The following SLX9 variants were observed in gnomAD, a reference collection of about 807,000 sequenced individuals.
The protein encoded by SLX9 is ribosome biogenesis protein SLX9 homolog.
In SLX9, 19 loss-of-function variants were observed where a neutral mutation model predicts 20.8. The ratio of observed to expected loss-of-function variants is 0.91; its 90% CI spans 0.64 to 1.34. SLX9 has a LOEUF of 1.34. SLX9 is among the 40% of genes most tolerant of loss of function. The pLI is 0.00. For missense variants in SLX9, 299 were observed against 322.2 expected, an observed-to-expected ratio of 0.93 and a Z score of 0.55; for synonymous variants, 113 against 137.1, an observed-to-expected ratio of 0.82 and a Z score of 1.23.
At chr21:44,973,824 T>C (rs2085209613) in intron 5 of SLX9, among the ~76,000 whole-genome samples, 1 of 152,158 alleles carries the variant, frequency 6.6e-6, no homozygotes, top group Non-Finnish European at 1.5e-5. Context: ...GCCTGTCTGC[T>C]CCAGGGGGGC....
chr21:44,965,055 G>A (rs368821382), intron 3 of SLX9, among the ~76,000 whole-genome samples: 2 of 152,250 alleles, frequency 1.3e-5, no homozygotes, highest in East Asian at 1.9e-4. Context: ...TTTAATATCC[G>A]ATAGCCCTAC....
chr21:44,960,113 G>C lies in SLX9; in HGVS notation c.297G>C (p.Lys99Asn). Residue 99 changes from lysine (K) to asparagine (N), a missense_variant, in exon 3 of 6, where the codon AAG becomes AAC. Physicochemically the swap from Lys to Asn is moderately conservative, Grantham distance 94 (BLOSUM62 0). Coordinates refer to ENST00000291634, the MANE Select transcript of SLX9 (RefSeq NM_058190.4). ...VPSIRRGAEA[K>N]TVLPKKEKMK... Reference sequence around the variant, plus strand: ...CTCTTTCCTCAGGTGCAGAGGCCAAGACCGTTTTGCCCAAGAAGGAGAAAA... The same window carrying C: ...CTCTTTCCTCAGGTGCAGAGGCCAACACCGTTTTGCCCAAGAAGGAGAAAA... The C allele has an allele frequency of 6.2e-7, 1 of 1,614,218 alleles. No individual in the cohort carries two copies. Among genetic ancestry groups the C allele is most frequent in the East Asian group, 2.2e-5 (1 of 44,882 alleles).
At chr21:44,950,481 G>C (rs1601384681) in intron 2 of SLX9, among the ~76,000 whole-genome samples, 1 of 152,226 alleles carries the variant, frequency 6.6e-6, no homozygotes, top group South Asian at 2.1e-4. Flanking sequence ...GCTGGGAGTG[G>C]TGCGCCTTCT....
At chr21:44,970,630 C>G (rs1383306023) in intron 4 of SLX9, among the ~76,000 whole-genome samples, 1 of 152,220 alleles carries the variant, frequency 6.6e-6, no homozygotes, top group Non-Finnish European at 1.5e-5. Context: ...TCCCGGCAGG[C>G]AGGTCTGCCC....
At position 44,940,203 on chromosome 21, in the gene SLX9, C is replaced by A; in HGVS notation, c.129+17C>A. On this transcript the variant is annotated intron_variant, in intron 1 of 5. Transcript: ENST00000291634. ...GCGGGGAAGGTGAGCTGGGGAGGCG[C>A]TGGCCGGGGGCTGCCGCGTGGGTCC... is the stretch of plus-strand genomic sequence containing the variant. 1 of 1,232,380 alleles carries A rather than the reference C, an allele frequency of 8.1e-7. No homozygotes were observed. Among genetic ancestry groups the A allele is most frequent in the Non-Finnish European group, 1.0e-6 (1 of 984,324 alleles). The allele number at this position is 1,232,380 out of a possible 1,614,324, so 76.3% of individuals were successfully genotyped here. A position where few individuals can be genotyped will look rare whatever the true frequency, so the allele number is the denominator to read the frequency against.
intron 2 of SLX9, among the ~76,000 whole-genome samples, chr21:44,959,507 G>A (rs550328382): frequency 4.6e-5 from 7 of 152,224 alleles, no homozygotes; most frequent in African/African-American, 4.8e-5. Context: ...CCCGCCCACC[G>A]GGCAGGTGGC....
rs1457809750 is a variant in SLX9 at position 44,965,359 on chromosome 21, G to GCTCCCTCC, written c.353-1669_353-1662dup. On this transcript the variant is annotated intron_variant, in intron 3 of 5. Coordinates refer to ENST00000291634, the MANE Select transcript of SLX9 (RefSeq NM_058190.4). ...GTGGGTCCCGCCCCGCCACTGCCTC[G>GCTCCCTCC]CTCCCTCCCTCCCCCTCAGAATTGA... is the stretch of plus-strand genomic sequence containing the variant. Among the ~76,000 whole-genome samples the GCTCCCTCC allele has an allele frequency of 9.9e-5, 15 of 152,176 alleles. No individual in the cohort carries two copies. The East Asian group carries it at 2.9e-3, about 29-fold the overall frequency.
intron 2 of SLX9, among the ~76,000 whole-genome samples, chr21:44,952,238 G>A (rs138411846): frequency 3.6e-4 from 55 of 152,368 alleles, no homozygotes; most frequent in Non-Finnish European, 6.2e-4. Context: ...CCGGCTTGCC[G>A]AGGTCCCTGG....
chr21:44,972,566 C>A (rs2085170741), intron 4 of SLX9, among the ~76,000 whole-genome samples: 1 of 152,222 alleles, frequency 6.6e-6, no homozygotes, highest in Non-Finnish European at 1.5e-5. Flanking sequence ...GCACCCCCCG[C>A]AGGTGCAGGC....
chr21:44,968,298 A>C (rs2085078080), intron 4 of SLX9, among the ~76,000 whole-genome samples: 1 of 151,192 alleles, frequency 6.6e-6, no homozygotes, highest in South Asian at 2.1e-4. Flanking sequence ...CACCCAATGA[A>C]GATACCACCA....
At chr21:44,954,698 G>A (rs959045426) in intron 2 of SLX9, among the ~76,000 whole-genome samples, 3 of 152,138 alleles carry the variant, frequency 2.0e-5, no homozygotes, top group Non-Finnish European at 2.9e-5. Context: ...CCCCCCAGGC[G>A]CTCTTGGCTG....
chr21:44,972,957 A>ATGGTCAGGCAGTTGCACTGCTTGTC lies in SLX9; in HGVS notation c.501-240_501-239insTGGTCAGGCAGTTGCACTGCTTGTC, dbSNP rs1353977903. ...GCAGCTTGGGGCCCGCGGTCACAGG[A>ATGGTCAGGCAGTTGCACTGCTTGTC]CGGTCAGGCAGTTGCACTGCTTGTC... On this transcript the variant is annotated intron_variant, in intron 4 of 5. Coordinates refer to ENST00000291634, the MANE Select transcript of SLX9 (RefSeq NM_058190.4). 24 of 588,830 alleles carry ATGGTCAGGCAGTTGCACTGCTTGTC rather than the reference A, an allele frequency of 4.1e-5. 1 individual carries two copies. The highest frequency in any genetic ancestry group is 5.4e-5 in the Non-Finnish European group (18 of 331,932). The allele number at this position is 588,830 out of a possible 1,614,324, so 36.5% of individuals were successfully genotyped here. A position where few individuals can be genotyped will look rare whatever the true frequency, so the allele number is the denominator to read the frequency against.
intron 4 of SLX9, among the ~76,000 whole-genome samples, chr21:44,967,624 T>C (rs921982087): frequency 6.6e-6 from 1 of 152,176 alleles, no homozygotes; most frequent in Non-Finnish European, 1.5e-5. Flanking sequence ...TCTCCCCTCC[T>C]GAGTGGACCT....
At chr21:44,956,202 T>C (rs1056062198) in intron 2 of SLX9, among the ~76,000 whole-genome samples, 3 of 152,214 alleles carry the variant, frequency 2.0e-5, no homozygotes, top group Non-Finnish European at 4.4e-5. Context: ...TCGTTGGTAG[T>C]TCTTTTGAAT....
At chr21:44,972,462 T>C (rs2085168893) in intron 4 of SLX9, among the ~76,000 whole-genome samples, 1 of 151,970 alleles carries the variant, frequency 6.6e-6, no homozygotes, top group South Asian at 2.1e-4. Flanking sequence ...AGCTTGGTGG[T>C]TTGGAGATCC....
chr21:44,940,295 C>T (rs1335815239), intron 1 of SLX9, 109 bp downstream of exon 1: 4 of 1,181,470 alleles, frequency 3.4e-6, no homozygotes, highest in African/African-American at 1.6e-5. Flanking sequence ...CCCTCGGGCT[C>T]TGCGGGCATT....
chr21:44,962,880 G>A (rs529166039), intron 3 of SLX9, among the ~76,000 whole-genome samples: 8 of 152,176 alleles, frequency 5.3e-5, no homozygotes, highest in South Asian at 2.1e-4. Flanking sequence ...GGTATCTCAC[G>A]GTGGTACTCA....
intron 2 of SLX9, among the ~76,000 whole-genome samples, chr21:44,947,887 C>G (rs1050377182): frequency 6.6e-6 from 1 of 152,238 alleles, no homozygotes; most frequent in African/African-American, 2.4e-5. Flanking sequence ...CATGCAGGGG[C>G]TTTGCGGCAG....
chr21:44,950,338 C>T (rs2084732914), intron 2 of SLX9, among the ~76,000 whole-genome samples: 1 of 152,028 alleles, frequency 6.6e-6, no homozygotes, highest in Admixed American at 6.5e-5. Context: ...TATCTACTCC[C>T]AAGTTAAAAT....
Sources: allele counts gnomAD v4.1 joint callset (sites outside exome capture counted in the v4.1 genomes callset), GRCh38; gene constraint gnomAD v4.1.1; transcripts MANE v1.5; gene names NCBI Gene and HGNC (gene_info 2026-07-23, HGNC 2026-07-21).